Variants in LRRK1 observed in about 807,000 individuals in gnomAD.
LRRK1 encodes leucine-rich repeat serine/threonine-protein kinase 1.
LRRK1 carries 113 observed loss-of-function variants against 209.1 expected under a neutral mutation model. The ratio of observed to expected loss-of-function variants is 0.54; its 90% confidence interval spans 0.46 to 0.63. LRRK1 has a LOEUF of 0.63. Ranked by LOEUF, LRRK1 falls within the 30% of genes least tolerant of loss-of-function variation. The probability of loss-of-function intolerance (pLI) is 0.00; values close to 1 mark genes in which losing one functional copy is unlikely to be tolerated. For missense variants in LRRK1, 2,284 were observed against 2,632.2 expected (o/e 0.87, Z 2.89); for synonymous variants, 1,144 against 1,099.7 (o/e 1.04, Z -0.80).
intron 2 of LRRK1, among the ~76,000 whole-genome samples, chr15:100,967,751 T>C (rs1203526413): frequency 3.3e-5 from 5 of 152,216 alleles, no homozygotes; most frequent in African/African-American, 9.7e-5. Flanking sequence ...ATTAACACTT[T>C]CCAAAATTTC....
chr15:101,062,610 T>A lies in LRRK1; in HGVS notation c.4834T>A (p.Cys1612Ser), dbSNP rs1255284630. Reference protein sequence around the residue: ...KIYIYTLKGMCPLNTPQQALD... With the variant: ...KIYIYTLKGMSPLNTPQQALD... ...CTACATCTACACCCTCAAGGGCATG[T>A]GCCCCTTAAACACACCCCAACAGGC... The change falls in exon 31 of 34, where the codon TGC (cysteine) becomes AGC (serine). Residue 1612 changes from cysteine (C) to serine (S), a missense_variant. This residue lies in a region of LRRK1 where 643 missense variants were observed against 695.9 expected (regional missense o/e 0.92). Coordinates refer to ENST00000388948, the MANE Select transcript of LRRK1 (RefSeq NM_024652.6). 1.2e-6 allele frequency: 2 copies of A among 1,614,038 alleles called. No homozygotes were observed. The highest frequency in any genetic ancestry group is 2.7e-5 in the African/African-American group (2 of 74,952).
intron 6 of LRRK1, among the ~76,000 whole-genome samples, chr15:101,000,424 C>T (rs1194986093): frequency 1.3e-5 from 2 of 152,202 alleles, no homozygotes; most frequent in African/African-American, 2.4e-5. Context: ...CCTCTCTTCC[C>T]TTGACTCATT....
At chr15:100,956,455 C>CTTTTTCTTTTCTTTTCT in intron 2 of LRRK1, among the ~76,000 whole-genome samples, 2,320 of 60,524 alleles carry the variant, frequency 0.038, 226 homozygotes, top group African/African-American at 0.09. Flanking sequence ...TTTTTTTTTT[C>CTTTTTCTTTTCTTTTCT]TTTTTTTTTT....
Position 101,058,362 on chromosome 15 carries a change from G to A in LRRK1, c.4679+221G>A, listed in dbSNP as rs2035937683. ...TTTGTGGTTAAGAGATGCCAAAAAT[G>A]GGTAGTATCTGCCAGGGTGTCTGGG... On this transcript the variant is annotated intron_variant, in intron 29 of 33. Coordinates refer to ENST00000388948, the MANE Select transcript of LRRK1 (RefSeq NM_024652.6). 2.0e-5 allele frequency among the ~76,000 whole-genome samples: 3 copies of A among 152,238 alleles called. No homozygotes were observed. In the South Asian group the frequency reaches 6.2e-4, roughly 32 times the overall value.
intron 21 of LRRK1, among the ~76,000 whole-genome samples, chr15:101,047,826 C>T (rs1024156963): frequency 1.3e-5 from 2 of 152,184 alleles, no homozygotes; most frequent in Non-Finnish European, 2.9e-5. Context: ...GACTGGTAAA[C>T]ATCTAAACTG....
chr15:100,927,221 G>T (rs979547469), intron 2 of LRRK1, among the ~76,000 whole-genome samples: 1 of 152,172 alleles, frequency 6.6e-6, no homozygotes, highest in Non-Finnish European at 1.5e-5. Context: ...CCCAGGGACC[G>T]GGGCGCAATG....
rs1023404581 is a variant in LRRK1 at position 101,023,139 on chromosome 15, C to T, written c.2067+542C>T. The stretch of plus-strand genomic sequence containing the variant: ...CAGCATCTGCCCCCTGATGAGGAGG[C>T]TAAAAGCACTCTGGGACTTAACACC... On this transcript the variant is annotated intron_variant, in intron 15 of 33. Coordinates refer to ENST00000388948, the MANE Select transcript of LRRK1 (RefSeq NM_024652.6). Among the ~76,000 whole-genome samples, 3 of 152,122 alleles carry T rather than the reference C, an allele frequency of 2.0e-5. No homozygotes were observed. In the East Asian group the frequency reaches 5.8e-4, roughly 29 times the overall value.
At chr15:101,054,700 A>AG (rs1458383697) in intron 26 of LRRK1, among the ~76,000 whole-genome samples, 1 of 152,096 alleles carries the variant, frequency 6.6e-6, no homozygotes, top group Non-Finnish European at 1.5e-5. Context: ...CTAGCTACTC[A>AG]ACTTGGGAGG....
chr15:101,065,036 G>A, intron 31 of LRRK1: 2 of 408,506 alleles, frequency 4.9e-6, no homozygotes, highest in Non-Finnish European at 8.9e-6. Context: ...TGCTCGCCCT[G>A]CAAGAAGCTG....
rs554877767 is a variant in LRRK1, at chr15:101,012,216, G to T, written c.1419+71G>T. On this transcript the variant is annotated intron_variant, in intron 10 of 33. Transcript: ENST00000388948. ...AAATTGCTCCGTGTTGCAGTGAAAT[G>T]TATGTGCTTTTCCTGAGCTTCTGAG... The T allele has an allele frequency of 1.4e-5, 19 of 1,311,574 alleles. No individual in the cohort carries two copies. In the East Asian group the frequency reaches 4.3e-4, roughly 30 times the overall value. The allele number at this position is 1,311,574 out of a possible 1,614,324, so 81.2% of individuals were successfully genotyped here. A position where few individuals can be genotyped will look rare whatever the true frequency, so the allele number is the denominator to read the frequency against.
Position 101,024,755 on chromosome 15 carries a change from C to A in LRRK1, c.2068-48C>A, listed in dbSNP as rs546328695. On this transcript the variant is annotated intron_variant, in intron 15 of 33. Transcript: ENST00000388948. The surrounding 1 kb of genome is among the most constrained non-coding windows in gnomAD (Gnocchi z 4.6). ...GTTGTCTCCGTTTGATTGACTGAAGCCTTTGTCTCTAAAATGCCTCCCTGT... is the reference window on the plus strand; with the variant it reads ...GTTGTCTCCGTTTGATTGACTGAAGACTTTGTCTCTAAAATGCCTCCCTGT... The A allele has an allele frequency of 2.6e-5, 42 of 1,587,692 alleles. No individual in the cohort carries two copies. The highest frequency in any genetic ancestry group is 4.5e-5 in the South Asian group (4 of 89,286).
At chr15:100,997,371 C>T (rs143874733) in intron 6 of LRRK1, among the ~76,000 whole-genome samples, 4 of 152,330 alleles carry the variant, frequency 2.6e-5, no homozygotes, top group African/African-American at 4.8e-5. Flanking sequence ...CAAAGTTTAT[C>T]GATCTCCTGC....
chr15:100,969,275 T>TG (rs2030702435), intron 2 of LRRK1, among the ~76,000 whole-genome samples: 1 of 152,222 alleles, frequency 6.6e-6, no homozygotes, highest in South Asian at 2.1e-4. Context: ...TAACTTTAAA[T>TG]GGGGTCTTTT....
intron 6 of LRRK1, among the ~76,000 whole-genome samples, chr15:100,997,645 C>T (rs1440433836): frequency 6.6e-6 from 1 of 152,208 alleles, no homozygotes; most frequent in Non-Finnish European, 1.5e-5. Flanking sequence ...TGGCAGAGCA[C>T]AGAGCAACGG....
chr15:101,060,543 C>T (rs1343144703), intron 29 of LRRK1, among the ~76,000 whole-genome samples: 3 of 152,180 alleles, frequency 2.0e-5, no homozygotes, highest in African/African-American at 4.8e-5. Context: ...CTGCTATCCG[C>T]GAGCTTAACA....
At chr15:101,057,585 G>A (rs576969981) in intron 28 of LRRK1, among the ~76,000 whole-genome samples, 13 of 152,294 alleles carry the variant, frequency 8.5e-5, no homozygotes, top group African/African-American at 2.6e-4. Flanking sequence ...ATGGTGACAT[G>A]GACTTATAGT....
In LRRK1 at chr15:101,073,543, A is replaced by G. The variant is rs923985742; in HGVS notation, c.*4695A>G. 6.6e-6 allele frequency: 1 copy of G among 151,696 alleles called. No individual in the cohort carries two copies. Among genetic ancestry groups the G allele is most frequent in the African/African-American group, 2.4e-5 (1 of 41,292 alleles). 9.4% of individuals were successfully genotyped at this position (151,696 alleles called of 1,614,324 possible). On this transcript the variant is annotated 3_prime_UTR_variant, in exon 34 of 34. Transcript: ENST00000388948. Reference sequence around the variant, plus strand: ...GTCCCGCTTTTCTAGAGGAGGAGCAAGTACTCCAACCTCATATCTCTGCGC... The same window carrying G: ...GTCCCGCTTTTCTAGAGGAGGAGCAGGTACTCCAACCTCATATCTCTGCGC...
intron 33 of LRRK1, 92 bp downstream of exon 33, chr15:101,066,833 C>A: frequency 1.8e-6 from 2 of 1,100,886 alleles, no homozygotes; most frequent in Non-Finnish European, 2.7e-6. Context: ...CTTTGCTGCC[C>A]TTCCATTCTC....
intron 2 of LRRK1, among the ~76,000 whole-genome samples, chr15:100,958,636 CTT>C (rs1050932188): frequency 5.3e-5 from 8 of 152,204 alleles, no homozygotes; most frequent in African/African-American, 1.9e-4. Flanking sequence ...AAATTTCTAA[CTT>C]AACTTCAAAT....
Sources: allele counts gnomAD v4.1 joint callset (sites outside exome capture counted in the v4.1 genomes callset), GRCh38; gene constraint gnomAD v4.1.1; regional missense constraint gnomAD v4.1.1; non-coding constraint Gnocchi (gnomAD v3.1); transcripts MANE v1.5; gene names NCBI Gene and HGNC (gene_info 2026-07-23, HGNC 2026-07-21).